The following ZNF76 variants were observed in gnomAD, a reference collection of about 807,000 sequenced individuals.
The protein encoded by ZNF76 is zinc finger protein 523.
In ZNF76, 66 loss-of-function variants were observed where a neutral mutation model predicts 66.9. The observed-to-expected ratio is 0.99, with a 90% CI of 0.81 to 1.21. The LOEUF (loss-of-function observed/expected upper bound fraction) is 1.21. Ranked by LOEUF, ZNF76 falls within the 50% of genes most tolerant of loss-of-function variation. The pLI is 0.00. For synonymous variants in ZNF76, 275 were observed against 296.1 expected, an observed-to-expected ratio of 0.93 and a Z score of 0.73; for missense variants, 729 against 760.3, an observed-to-expected ratio of 0.96 and a Z score of 0.48.
At chr6:35,263,665 G>T (rs751654073) in intron 1 of ZNF76, among the ~76,000 whole-genome samples, 1 of 152,206 alleles carries the variant, frequency 6.6e-6, no homozygotes, top group Non-Finnish European at 1.5e-5. Flanking sequence ...TTAGGGCACA[G>T]AACTTATTCT....
intron 7 of ZNF76, 144 bp downstream of exon 7, chr6:35,290,860 G>T: frequency 1.3e-6 from 1 of 783,858 alleles, no homozygotes; most frequent in East Asian, 2.6e-5. Flanking sequence ...GCTCTCTCTG[G>T]AGGAAACCTT....
rs1161980055 is a variant in ZNF76 at position 35,287,937 on chromosome 6, CAA to C, written c.432+93_432+94del. ...TTGGCCCTGCCAGAACTTCACCTCT[CAA>C]GAGGACAAGGGCAGCCCTGTGCTTG... On this transcript the variant is annotated intron_variant, in intron 5 of 13. Coordinates refer to ENST00000373953, the MANE Select transcript of ZNF76 (RefSeq NM_003427.5). The surrounding 1 kb of genome is among the most constrained non-coding windows in gnomAD (Gnocchi z 4.0). The C allele has an allele frequency of 2.9e-6, 4 of 1,400,010 alleles. No individual in the cohort carries two copies. Among genetic ancestry groups the C allele is most frequent in the South Asian group, 2.5e-5 (2 of 81,030 alleles). The allele number at this position is 1,400,010 out of a possible 1,614,324, so 86.7% of individuals were successfully genotyped here.
intron 2 of ZNF76, among the ~76,000 whole-genome samples, chr6:35,282,994 T>G (rs1789002427): frequency 6.6e-6 from 1 of 152,306 alleles, no homozygotes; most frequent in Admixed American, 6.5e-5. Context: ...GTCTTGCCCC[T>G]CCAGTGCAGT....
intron 13 of ZNF76, 159 bp from the exon 14 acceptor site, chr6:35,294,985 G>A (rs538404297): frequency 3.2e-5 from 20 of 616,218 alleles, no homozygotes; most frequent in African/African-American, 1.3e-4. Flanking sequence ...CTCTTCATCC[G>A]TGAACTTCAT....
rs561586915 is a variant in ZNF76, at chr6:35,266,379, C to G, written c.-97+6538C>G. Among the ~76,000 whole-genome samples, 32 of 152,176 alleles carry G rather than the reference C, an allele frequency of 2.1e-4. No homozygotes were observed. In the South Asian group the frequency reaches 6.2e-3, roughly 30 times the overall value. ...TATTTGCCAGGCTGGTCTCAAACTC[C>G]TGAACTCGTGATCTGCCTGGCTCCC... On this transcript the variant is annotated intron_variant, in intron 1 of 13. Coordinates refer to ENST00000373953, the MANE Select transcript of ZNF76 (RefSeq NM_003427.5).
At chr6:35,293,658 G>T in intron 11 of ZNF76, 93 bp from the exon 12 acceptor site, 1 of 1,444,958 alleles carries the variant, frequency 6.9e-7, no homozygotes, top group South Asian at 1.3e-5. Flanking sequence ...CTAATAAGCT[G>T]ACCTTGTCTG....
chr6:35,272,386 T>C (rs541573523), intron 1 of ZNF76, among the ~76,000 whole-genome samples: 18 of 152,154 alleles, frequency 1.2e-4, no homozygotes, highest in Non-Finnish European at 2.5e-4. Flanking sequence ...AGAAGATTAC[T>C]TTAGTCTAGG....
In ZNF76 at chr6:35,292,669, C is replaced by G; in HGVS notation, c.1047C>G (p.Thr349=). 6.2e-7 allele frequency: 1 copy of G among 1,614,186 alleles called. No individual in the cohort carries two copies. The highest frequency in any genetic ancestry group is 8.5e-7 in the Non-Finnish European group (1 of 1,180,048). The change falls in exon 10 of 14, where the codon ACC becomes ACG. Residue 349 remains threonine, a synonymous_variant. Coordinates refer to ENST00000373953, the MANE Select transcript of ZNF76 (RefSeq NM_003427.5). This position sits in a 1 kb window ranked among gnomAD's most constrained non-coding sequence, Gnocchi z 4.7. ...ACTGCAAGCCCTACACCTGCAGCAC[C>G]TGCGGCAAGACCTACCGGCAGACCT... The part of the protein sequence containing the change: ...HTHCKPYTCS[T]CGKTYRQTST...
In ZNF76 at chr6:35,281,228, A is replaced by G; in HGVS notation, c.73+4A>G. The stretch of plus-strand genomic sequence containing the variant: ...TACGTCCAGCAAGCTGTCAAAGGTA[A>G]GTATTTCTGGGGACCTCAGGATCCT... On this transcript the variant is annotated splice_donor_region_variant and intron_variant, in intron 2 of 13. Transcript: ENST00000373953. The G allele has an allele frequency of 6.2e-7, 1 of 1,613,334 alleles. No individual in the cohort carries two copies. Among genetic ancestry groups the G allele is most frequent in the Middle Eastern group, 1.8e-4 (1 of 5,548 alleles).
chr6:35,293,740 C>G lies in ZNF76; in HGVS notation c.1330-11C>G. The G allele has an allele frequency of 6.2e-7, 1 of 1,613,082 alleles. No individual in the cohort carries two copies. The highest frequency in any genetic ancestry group is 1.1e-5 in the South Asian group (1 of 91,010). ...TGACACTGCCAGCTCATCTTCCCCT[C>G]CTGTTGGCAGGTCAGCCTGTCCCCG... On this transcript the variant is annotated splice_polypyrimidine_tract_variant and intron_variant, in intron 11 of 13. Coordinates refer to ENST00000373953, the MANE Select transcript of ZNF76 (RefSeq NM_003427.5).
intron 1 of ZNF76, among the ~76,000 whole-genome samples, chr6:35,264,029 G>C (rs553223356): frequency 2.6e-5 from 4 of 152,332 alleles, no homozygotes; most frequent in Admixed American, 2.0e-4. Flanking sequence ...AGGATTACAG[G>C]CATGAGCCAC....
In ZNF76 at chr6:35,295,129, C is replaced by A. The variant is rs536670761; in HGVS notation, c.1609-15C>A. 3.8e-5 allele frequency: 61 copies of A among 1,601,608 alleles called. No individual in the cohort carries two copies. In the South Asian group the frequency reaches 6.1e-4, roughly 16 times the overall value. Reference sequence around the variant, plus strand: ...GTCTCACTGTCTCCTTCCTTCTGCACCCCCTTCCCCACAGCTGGAGGAACA... The same window carrying A: ...GTCTCACTGTCTCCTTCCTTCTGCAACCCCTTCCCCACAGCTGGAGGAACA... On this transcript the variant is annotated splice_polypyrimidine_tract_variant and intron_variant, in intron 13 of 13. Coordinates refer to ENST00000373953, the MANE Select transcript of ZNF76 (RefSeq NM_003427.5).
chr6:35,264,198 A>T (rs1018377030), intron 1 of ZNF76, among the ~76,000 whole-genome samples: 4 of 152,266 alleles, frequency 2.6e-5, no homozygotes, highest in Admixed American at 6.5e-5. Flanking sequence ...TTTTGTGGAC[A>T]CAACACCCCT....
At chr6:35,279,741 A>G in intron 1 of ZNF76, 1 of 152,298 alleles carries the variant, frequency 6.6e-6, no homozygotes. Flanking sequence ...CCTCAATTTT[A>G]ATAAGAGCTG....
chr6:35,274,130 CAAACT>C (rs1387121671), intron 1 of ZNF76, among the ~76,000 whole-genome samples: 1 of 152,188 alleles, frequency 6.6e-6, no homozygotes, highest in Non-Finnish European at 1.5e-5. Context: ...TCATCCCTCC[CAAACT>C]AATGTGTCTT....
In ZNF76 at chr6:35,291,302, G is replaced by T. The variant is rs754976796; in HGVS notation, c.650G>T (p.Arg217Leu). 1.2e-6 allele frequency: 2 copies of T among 1,612,850 alleles called. No individual in the cohort carries two copies. Among genetic ancestry groups the T allele is most frequent in the Non-Finnish European group, 1.7e-6 (2 of 1,179,392 alleles). ...GGCTATGGACTGAAGAGCCACGTTC[G>T]TACCCACACTGGTGAGAAACCATAC... ...ATGYGLKSHV[R>L]THTGEKPYKC... The change falls in exon 8 of 14, where the codon CGT (arginine) becomes CTT (leucine). Residue 217 changes from arginine to leucine, a missense_variant. Transcript: ENST00000373953.
chr6:35,288,248 G>A (rs928373228), intron 5 of ZNF76: 6 of 395,456 alleles, frequency 1.5e-5, no homozygotes, highest in Admixed American at 3.0e-5. Context: ...AGTCCACTGA[G>A]GTAATTGTAT....
rs146529393 is a variant in ZNF76, at chr6:35,270,850, C to T, written c.-96-10206C>T. Among the ~76,000 whole-genome samples, 160 of 152,308 alleles carry T rather than the reference C, an allele frequency of 1.1e-3. 1 individual carries two copies. In the Middle Eastern group the frequency reaches 0.02, roughly 19 times the overall value. The stretch of plus-strand genomic sequence containing the variant: ...GGGATTACAGGTGTGAGCCACTGCG[C>T]CCAGCCCACAGATTTTTTAATGCCA... On this transcript the variant is annotated intron_variant, in intron 1 of 13. Transcript: ENST00000373953.
chr6:35,295,071 A>C, intron 13 of ZNF76, 73 bp from the exon 14 acceptor site: 2 of 1,221,680 alleles, frequency 1.6e-6, no homozygotes. Flanking sequence ...AAAGTAGGCC[A>C]CATATTACTA....
Sources: allele counts gnomAD v4.1 joint callset (sites outside exome capture counted in the v4.1 genomes callset), GRCh38; gene constraint gnomAD v4.1.1; non-coding constraint Gnocchi (gnomAD v3.1); transcripts MANE v1.5; gene names NCBI Gene and HGNC (gene_info 2026-07-23, HGNC 2026-07-21).